RAB27B: variants seen among roughly 807,000 people sequenced by gnomAD.
The protein encoded by RAB27B is ras-related protein Rab-27B.
RAB27B carries 15 observed loss-of-function variants against 24.6 expected under a neutral mutation model. That is an observed-to-expected ratio of 0.61 (90% CI 0.41 to 0.94). The LOEUF (loss-of-function observed/expected upper bound fraction) is 0.94. Among genes scored for constraint, RAB27B ranks in the 40% least tolerant of loss-of-function variants. RAB27B has a pLI of 0.00. For synonymous variants in RAB27B, 105 were observed against 92.5 expected (o/e 1.14, Z -0.78); for missense variants, 261 against 266.8 (o/e 0.98, Z 0.15).
chr18:54,733,652 C>CT (rs1568045913), intron 2 of RAB27B, among the ~76,000 whole-genome samples: 1 of 99,422 alleles, frequency 1.0e-5, no homozygotes, highest in African/African-American at 3.7e-5. Context: ...GTTCTAGAGC[C>CT]CCCCCCCCCC....
At chr18:54,844,659 G>C (rs1249929885) in intron 1 of RAB27B, among the ~76,000 whole-genome samples, 1 of 151,916 alleles carries the variant, frequency 6.6e-6, no homozygotes, top group Non-Finnish European at 1.5e-5. Flanking sequence ...TGCATACCTT[G>C]GCCTCCCAAA....
At chr18:54,766,192 G>A (rs1908356646) in intron 2 of RAB27B, among the ~76,000 whole-genome samples, 1 of 152,088 alleles carries the variant, frequency 6.6e-6, no homozygotes, top group Admixed American at 6.5e-5. Context: ...CTTCATGGTA[G>A]ACCCTCCAGA....
At chr18:54,848,533 A>G (rs1911429129) in intron 1 of RAB27B, among the ~76,000 whole-genome samples, 1 of 152,244 alleles carries the variant, frequency 6.6e-6, no homozygotes, top group Non-Finnish European at 1.5e-5. Flanking sequence ...CATAGTTTAT[A>G]AAAGATATAA....
intron 2 of RAB27B, among the ~76,000 whole-genome samples, chr18:54,754,252 C>A (rs997114755): frequency 2.6e-5 from 4 of 152,112 alleles, no homozygotes; most frequent in Non-Finnish European, 5.9e-5. Context: ...TCTCTCGTCA[C>A]CACGTGAAGA....
intron 2 of RAB27B, among the ~76,000 whole-genome samples, chr18:54,798,970 C>CA (rs893010139): frequency 2.0e-5 from 3 of 152,138 alleles, no homozygotes; most frequent in African/African-American, 7.2e-5. Flanking sequence ...TTTTCAGCCA[C>CA]AATCACAAGA....
chr18:54,746,944 G>A (rs572242316), intron 2 of RAB27B, among the ~76,000 whole-genome samples: 136 of 152,138 alleles, frequency 8.9e-4, no homozygotes, highest in African/African-American at 3.1e-3. Context: ...CTGGCTTAGG[G>A]GCTATGATGA....
At chr18:54,769,497 T>A (rs1042177047) in intron 2 of RAB27B, among the ~76,000 whole-genome samples, 1 of 152,116 alleles carries the variant, frequency 6.6e-6, no homozygotes, top group African/African-American at 2.4e-5. Context: ...CTCTTTTCTA[T>A]CCTCTGCAAC....
chr18:54,761,237 A>C (rs1369187543), intron 2 of RAB27B, among the ~76,000 whole-genome samples: 1 of 152,116 alleles, frequency 6.6e-6, no homozygotes, highest in Non-Finnish European at 1.5e-5. Context: ...TTAAGATGTA[A>C]GTCTTTGCTT....
At position 54,843,446 on chromosome 18, in the gene RAB27B, G is replaced by T. The variant is rs577916267; in HGVS notation, c.-20+14746G>T. Among the ~76,000 whole-genome samples the T allele has an allele frequency of 3.9e-5, 6 of 152,228 alleles. No homozygotes were observed. In the East Asian group the frequency reaches 1.2e-3, roughly 29 times the overall value. On this transcript the variant is annotated intron_variant, in intron 1 of 5. Coordinates refer to ENST00000262094, the MANE Select transcript of RAB27B (RefSeq NM_004163.4). ...TGCAAAGAGAATTTACACTTGAAGA[G>T]TCATTTTTAAGAGTGTCAGGAATAT...
At chr18:54,809,015 C>A (rs1909880310) in intron 2 of RAB27B, among the ~76,000 whole-genome samples, 1 of 152,140 alleles carries the variant, frequency 6.6e-6, no homozygotes, top group African/African-American at 2.4e-5. Context: ...GTTGACAGTG[C>A]AATTAGTACA....
intron 1 of RAB27B, among the ~76,000 whole-genome samples, chr18:54,834,424 C>A (rs1250883240): frequency 1.3e-5 from 2 of 152,094 alleles, no homozygotes. Flanking sequence ...CCTTAAGGAT[C>A]TTGATTTTCT....
At position 54,889,508 on chromosome 18, in the gene RAB27B, C is replaced by A; in HGVS notation, c.*95C>A. 1 of 1,093,388 alleles carries A rather than the reference C, an allele frequency of 9.1e-7. No individual in the cohort carries two copies. The highest frequency in any genetic ancestry group is 1.3e-6 in the Non-Finnish European group (1 of 784,602). The allele number at this position is 1,093,388 out of a possible 1,614,324, so 67.7% of individuals were successfully genotyped here. On this transcript the variant is annotated 3_prime_UTR_variant, in exon 6 of 6. Transcript: ENST00000262094. Reference sequence around the variant, plus strand: ...CAATTGTTGTTGAGTAAACCACGCACAATGGCATGTCTTTCTTTTTCTGCC... The same window carrying A: ...CAATTGTTGTTGAGTAAACCACGCAAAATGGCATGTCTTTCTTTTTCTGCC...
upstream of RAB27B, among the ~76,000 whole-genome samples, chr18:54,827,264 G>C (rs1221853993): frequency 6.6e-6 from 1 of 152,202 alleles, no homozygotes; most frequent in Non-Finnish European, 1.5e-5. Context: ...AAAATTATAA[G>C]TATAGCCAAC....
Position 54,888,015 on chromosome 18 carries a change from T to G in RAB27B, c.364T>G (p.Tyr122Asp). Residue 122 changes from tyrosine (Y) to aspartate (D), a missense_variant, in exon 5 of 6, where the codon TAT becomes GAT. Coordinates refer to ENST00000262094, the MANE Select transcript of RAB27B (RefSeq NM_004163.4). ...TCAAGGCCAACTGCAAGCAAATGCT[T>G]ATTGTGAAAATCCAGATATAGTATT... ...NWMSQLQANA[Y>D]CENPDIVLIG... is the part of the protein sequence containing the mutation. The G allele has an allele frequency of 1.2e-6, 2 of 1,612,382 alleles. No homozygotes were observed. Among genetic ancestry groups the G allele is most frequent in the Non-Finnish European group, 1.7e-6 (2 of 1,178,952 alleles).
At chr18:54,726,340 G>T (rs1909536352) in intron 2 of RAB27B, among the ~76,000 whole-genome samples, 2 of 151,500 alleles carry the variant, frequency 1.3e-5, no homozygotes. Context: ...TGGCCGAAGA[G>T]AATTTTGAAT....
At chr18:54,884,263 C>T in intron 3 of RAB27B, 70 bp from the exon 4 acceptor site, 1 of 934,130 alleles carries the variant, frequency 1.1e-6, no homozygotes. Flanking sequence ...GAAAGGGAAA[C>T]TGTTATTTGT....
chr18:54,776,100 G>A (rs925942573), intron 2 of RAB27B, among the ~76,000 whole-genome samples: 1 of 152,224 alleles, frequency 6.6e-6, no homozygotes, highest in African/African-American at 2.4e-5. Context: ...GCTTGGCGGT[G>A]TTTTTTGTTG....
chr18:54,784,707 A>G (rs953941814), intron 2 of RAB27B, among the ~76,000 whole-genome samples: 21 of 152,134 alleles, frequency 1.4e-4, no homozygotes, highest in Non-Finnish European at 2.8e-4. Flanking sequence ...TTTTTATCCA[A>G]TCCACTGTCG....
chr18:54,763,247 T>A (rs2145054645), intron 2 of RAB27B, among the ~76,000 whole-genome samples: 1 of 152,308 alleles, frequency 6.6e-6, no homozygotes, highest in Non-Finnish European at 1.5e-5. Flanking sequence ...ATTTTTAGTG[T>A]TTGAAATATT....
Sources: gnomAD v4.1 joint callset for allele counts (sites outside exome capture counted in the v4.1 genomes callset) on GRCh38, gnomAD v4.1.1 for gene constraint, MANE v1.5 for transcripts, NCBI Gene and HGNC (gene_info 2026-07-23, HGNC 2026-07-21) for gene names.